The following ARX variants were observed in gnomAD, a reference collection of about 807,000 sequenced individuals.
ARX encodes the protein homeobox protein ARX.
A neutral mutation model predicts 23.1 loss-of-function variants in ARX; 1 was observed. The ratio of observed to expected loss-of-function variants is 0.04; its 90% CI spans 0.02 to 0.21. ARX has a LOEUF of 0.21. Among genes scored for constraint, ARX ranks in the 10% least tolerant of loss-of-function variants. The pLI is 1.00. For missense variants in ARX, 380 were observed against 527.5 expected (o/e 0.72, Z 2.74); for synonymous variants, 301 against 270.1 (o/e 1.11, Z -1.12).
Position 25,004,654 on chromosome X carries a change from G to T in ARX, c.*16C>A, listed in dbSNP as rs1470274249. The stretch of plus-strand genomic sequence containing the variant: ...CTTTCGGGGCGCGCGCGGGGCGCGG[G>T]TGTGGAGGGCAGCCTTTAGCACACC... On this transcript the variant is annotated 3_prime_UTR_variant, in exon 5 of 5. Coordinates refer to ENST00000379044, the MANE Select transcript of ARX (RefSeq NM_139058.3). 3.4e-6 allele frequency: 4 copies of T among 1,164,951 alleles called. No individual in the cohort carries two copies. The highest frequency in any genetic ancestry group is 4.6e-6 in the Non-Finnish European group (4 of 872,842).
chrX:25,007,357 G>A lies in ARX; in HGVS notation c.1202C>T (p.Pro401Leu), dbSNP rs1293443151. The stretch of plus-strand genomic sequence containing the variant: ...CGGGTGGGTGGCGGAGAGCGGCCCC[G>A]GGAAGGGCAGCCCAGGGGGGTGGGT... ...AQTHPPGLPF[P>L]GPLSATHPLS... The change falls in exon 4 of 5, where the codon CCG becomes CTG. Residue 401 changes from proline (P) to leucine (L), a missense_variant. Pro to Leu is a moderately conservative substitution (Grantham distance 98). Coordinates refer to ENST00000379044, the MANE Select transcript of ARX (RefSeq NM_139058.3). The A allele has an allele frequency of 1.7e-6, 2 of 1,147,664 alleles. No individual in the cohort carries two copies. Among genetic ancestry groups the A allele is most frequent in the Non-Finnish European group, 2.3e-6 (2 of 868,902 alleles). 94.6% of individuals were successfully genotyped at this position (1,147,664 alleles called of 1,213,427 possible).
chrX:25,010,083 A>C (rs769914112), intron 3 of ARX, among the ~76,000 whole-genome samples, 177 bp downstream of exon 3: 2 of 111,097 alleles, frequency 1.8e-5, no homozygotes, highest in East Asian at 2.8e-4. Flanking sequence ...CCCATGTCTT[A>C]AGTTTTAAAT....
At chrX:25,007,474 TCG>T in intron 3 of ARX, 35 bp from the exon 4 acceptor site, 2 of 1,141,172 alleles carry the variant, frequency 1.8e-6, no homozygotes, top group Non-Finnish European at 2.3e-6. Flanking sequence ...TCGGCGCGGC[TCG>T]GCCCGGCGGG....
In ARX at chrX:25,013,187, C is replaced by T. The variant is rs1057520487; in HGVS notation, c.808G>A (p.Ala270Thr). ...GCTGCTGCGGCCACGGCGCCAGTGG[C>T]GGCCACAGGACAGCGCCGGGGCTCC... ...LKEPRRCPVA[A>T]TGAVAAAAAA... The change falls in exon 2 of 5, where the codon GCC becomes ACC. Residue 270 changes from alanine (A) to threonine (T), a missense_variant. This residue lies in a region of ARX where 235 missense variants were observed against 270.2 expected (regional missense o/e 0.87). Transcript: ENST00000379044. 2.0e-5 allele frequency: 24 copies of T among 1,182,397 alleles called. No individual in the cohort carries two copies. Among genetic ancestry groups the T allele is most frequent in the Non-Finnish European group, 2.6e-5 (23 of 881,895 alleles).
Position 25,012,452 on chromosome X carries a change from G to T in ARX, c.1073+470C>A, listed in dbSNP as rs980361902. On this transcript the variant is annotated intron_variant, in intron 2 of 4. Transcript: ENST00000379044. ...CAGGCCCCTGGGGCACCAGGCGGGGGTGGCGAGCGCACAGCACAGCGACCA... is the reference window on the plus strand; with the variant it reads ...CAGGCCCCTGGGGCACCAGGCGGGGTTGGCGAGCGCACAGCACAGCGACCA... 5.3e-5 allele frequency among the ~76,000 whole-genome samples: 6 copies of T among 112,714 alleles called. No homozygotes were observed. The Admixed American group carries it at 5.6e-4, about 10-fold the overall frequency.
At chrX:25,011,400 TCCTCGTGCA>T (rs2048702183) in intron 2 of ARX, among the ~76,000 whole-genome samples, 1 of 111,996 alleles carries the variant, frequency 8.9e-6, no homozygotes, top group Non-Finnish European at 1.9e-5. Flanking sequence ...GAGCTGCCCC[TCCTCGTGCA>T]CTTCGGTCCT....
intron 3 of ARX, among the ~76,000 whole-genome samples, chrX:25,009,650 G>A (rs754593580): frequency 2.1e-4 from 24 of 111,648 alleles, no homozygotes; most frequent in South Asian, 3.8e-4. Flanking sequence ...CTGGTATGGG[G>A]CTGCAAACAC....
In ARX at chrX:25,013,659, T is replaced by C. The variant is rs794727308; in HGVS notation, c.336A>G (p.Ala112=). ...AAAAAAAAAA[A]AAATATAGPR... is the part of the protein sequence containing the mutation. The stretch of plus-strand genomic sequence containing the variant: ...GACCCGCCGTGGCCGTGGCGGCCGC[T>C]GCCGCCGCCGCCGCCGCCGCCGCCG... Residue 112 remains alanine, a synonymous_variant, in exon 2 of 5, where the codon GCA becomes GCG. Transcript: ENST00000379044. 208 of 770,716 alleles carry C rather than the reference T, an allele frequency of 2.7e-4. No homozygotes were observed. The highest frequency in any genetic ancestry group is 3.1e-4 in the Non-Finnish European group (205 of 653,768). The allele number at this position is 770,716 out of a possible 1,213,427, so 63.5% of individuals were successfully genotyped here.
Position 25,007,101 on chromosome X carries a change from TGCG to T in ARX, c.1448+7_1448+9del, listed in dbSNP as rs2147320285. On this transcript the variant is annotated splice_region_variant and intron_variant, in intron 4 of 4. Transcript: ENST00000379044. Reference sequence around the variant, plus strand: ...AGACAGACAGACAGACTTCCGAGGCTGCGCGTTACCTGCCGAATGCCGGGCTGA... The same window carrying T: ...AGACAGACAGACAGACTTCCGAGGCTCGTTACCTGCCGAATGCCGGGCTGA... 6 of 1,188,325 alleles carry T rather than the reference TGCG, an allele frequency of 5.0e-6. No individual in the cohort carries two copies. The highest frequency in any genetic ancestry group is 2.3e-4 in the Middle Eastern group (1 of 4,336).
chrX:25,014,575 G>A (rs2048718380), intron 1 of ARX, among the ~76,000 whole-genome samples: 1 of 113,260 alleles, frequency 8.8e-6, no homozygotes, highest in South Asian at 3.6e-4. Context: ...TGGCAAAAAT[G>A]TTCTGGGAAA....
intron 2 of ARX, 57 bp downstream of exon 2, chrX:25,012,865 C>G: frequency 8.5e-7 from 1 of 1,177,656 alleles, no homozygotes; most frequent in Non-Finnish European, 1.1e-6. Flanking sequence ...CGCTGTCCCT[C>G]CCTGGGGCCC....
intron 1 of ARX, among the ~76,000 whole-genome samples, chrX:25,015,262 C>T (rs773836817): frequency 3.6e-5 from 4 of 111,277 alleles, no homozygotes; most frequent in African/African-American, 1.3e-4. Context: ...AGAGCACACC[C>T]AAGGCCACCA....
At position 25,004,879 on chromosome X, in the gene ARX, C is replaced by A. The variant is rs762710900; in HGVS notation, c.1480G>T (p.Ala494Ser). Residue 494 changes from alanine (A) to serine (S), a missense_variant, in exon 5 of 5, where the codon GCG becomes TCG. Ala to Ser is a moderately conservative substitution (Grantham distance 99, BLOSUM62 1). Transcript: ENST00000379044. Reference protein sequence around the residue: ...LFSTMAPLTSASTAAALLRQP... With the variant: ...LFSTMAPLTSSSTAAALLRQP... ...CTCAGGAGCGCGGCCGCGGTCGACG[C>A]GCTGGTCAGGGGGGCCATTGTGGAA... 2 of 1,147,677 alleles carry A rather than the reference C, an allele frequency of 1.7e-6. No individual in the cohort carries two copies. Among genetic ancestry groups the A allele is most frequent in the South Asian group, 4.2e-5 (2 of 47,433 alleles). 94.6% of individuals were successfully genotyped at this position (1,147,677 alleles called of 1,213,427 possible). A position where few individuals can be genotyped will look rare whatever the true frequency, so the allele number is the denominator to read the frequency against.
intron 1 of ARX, among the ~76,000 whole-genome samples, chrX:25,015,054 TA>T (rs1476128608): frequency 9.8e-5 from 11 of 112,209 alleles, no homozygotes; most frequent in Non-Finnish European, 1.5e-4. Context: ...AGCTTGGGTT[TA>T]AAAGGTCACA....
chrX:25,011,713 G>A, intron 2 of ARX, among the ~76,000 whole-genome samples: 1 of 113,091 alleles, frequency 8.8e-6, no homozygotes, highest in African/African-American at 3.2e-5. Flanking sequence ...AGAGAGTTAG[G>A]CAATTGCCAG....
intron 4 of ARX, among the ~76,000 whole-genome samples, chrX:25,005,178 G>A (rs777689940): frequency 1.8e-5 from 2 of 112,702 alleles, no homozygotes; most frequent in East Asian, 5.7e-4. Context: ...CCACAGGCCG[G>A]CGTGGAGACC....
At position 25,004,835 on chromosome X, in the gene ARX, C is replaced by T. The variant is rs1056460685; in HGVS notation, c.1524G>A (p.Val508=). The T allele has an allele frequency of 1.1e-5, 13 of 1,173,413 alleles. No homozygotes were observed. In the Admixed American group the frequency reaches 2.9e-4, roughly 26 times the overall value. The change falls in exon 5 of 5, where the codon GTG becomes GTA. Residue 508 remains valine, a synonymous_variant. Transcript: ENST00000379044. ...AALLRQPTPA[V]EGAVASGALA... ...GGGCGCCCGATGCCACTGCGCCCTC[C>T]ACGGCGGGTGTGGGCTGTCTCAGGA...
chrX:25,015,461 C>A, intron 1 of ARX, 81 bp downstream of exon 1: 1 of 1,115,627 alleles, frequency 9.0e-7, no homozygotes, highest in Non-Finnish European at 1.2e-6. Flanking sequence ...ATTGACAATT[C>A]CAGGCCACTG....
At chrX:25,012,808 A>G (rs2048707499) in intron 2 of ARX, 114 bp downstream of exon 2, 1 of 1,141,731 alleles carries the variant, frequency 8.8e-7, no homozygotes, top group South Asian at 2.0e-5. Flanking sequence ...TCTTCCACAG[A>G]GTCCAGGAGC....
Sources: allele counts gnomAD v4.1 joint callset (sites outside exome capture counted in the v4.1 genomes callset), GRCh38; gene constraint gnomAD v4.1.1; regional missense constraint gnomAD v4.1.1; transcripts MANE v1.5; gene names NCBI Gene and HGNC (gene_info 2026-07-23, HGNC 2026-07-21).